Variants in ROBO1 observed in about 807,000 individuals in gnomAD.
ROBO1 encodes roundabout homolog 1.
In ROBO1, 149 loss-of-function variants were observed where a neutral mutation model predicts 195.9. That is an observed-to-expected ratio of 0.76 (90% CI 0.67 to 0.87). ROBO1 has a LOEUF of 0.87. Ranked by LOEUF, ROBO1 falls within the 40% of genes least tolerant of loss-of-function variation. ROBO1 has a pLI of 0.00. For missense variants in ROBO1, 1,933 were observed against 2,068.3 expected, an observed-to-expected ratio of 0.93 and a Z score of 1.27; for synonymous variants, 816 against 733.2, an observed-to-expected ratio of 1.11 and a Z score of -1.82.
At chr3:79,085,216 C>A (rs995133241) in intron 3 of ROBO1, among the ~76,000 whole-genome samples, 4 of 152,042 alleles carry the variant, frequency 2.6e-5, no homozygotes, top group African/African-American at 9.7e-5. Context: ...CAAAGTGAGC[C>A]CTTAAATCAC....
chr3:79,215,785 G>A (rs2082046066), intron 2 of ROBO1, among the ~76,000 whole-genome samples: 1 of 152,142 alleles, frequency 6.6e-6, no homozygotes, highest in Admixed American at 6.6e-5. Context: ...CCTTAAAGGG[G>A]GCTCAATTTG....
At chr3:79,666,985 TTAA>T (rs959875630) in intron 1 of ROBO1, among the ~76,000 whole-genome samples, 2 of 151,906 alleles carry the variant, frequency 1.3e-5, no homozygotes, top group East Asian at 1.9e-4. Flanking sequence ...TTTGCCTATT[TTAA>T]TAATAACATT....
At chr3:79,592,520 T>C (rs1944036122) in intron 1 of ROBO1, among the ~76,000 whole-genome samples, 1 of 151,992 alleles carries the variant, frequency 6.6e-6, no homozygotes, top group Admixed American at 6.6e-5. Context: ...TTCAGTACTT[T>C]GAAGTTTTGG....
intron 2 of ROBO1, among the ~76,000 whole-genome samples, chr3:79,354,763 T>C (rs1479408768): frequency 6.6e-6 from 1 of 152,212 alleles, no homozygotes. Flanking sequence ...GTGGAATTAC[T>C]AAATTTAATC....
chr3:79,545,812 G>T (rs1190564265), intron 2 of ROBO1, among the ~76,000 whole-genome samples: 2 of 152,070 alleles, frequency 1.3e-5, no homozygotes, highest in Non-Finnish European at 1.5e-5. Context: ...GCAGAGTCTG[G>T]TAATAAAGTC....
At chr3:78,845,034 A>G (rs952366022) in intron 4 of ROBO1, among the ~76,000 whole-genome samples, 4 of 152,094 alleles carry the variant, frequency 2.6e-5, no homozygotes, top group African/African-American at 9.7e-5. Flanking sequence ...AATGTTCACA[A>G]TTTGATTTGG....
chr3:78,646,241 T>C, intron 20 of ROBO1, 51 bp from the exon 21 acceptor site: 2 of 1,510,200 alleles, frequency 1.3e-6, no homozygotes, highest in South Asian at 2.3e-5. Context: ...TATTTATATA[T>C]CAAAAGCTAT....
intron 1 of ROBO1, among the ~76,000 whole-genome samples, chr3:79,601,990 A>G (rs1944353478): frequency 6.6e-6 from 1 of 152,012 alleles, no homozygotes; most frequent in Non-Finnish European, 1.5e-5. Flanking sequence ...GTATTACAGC[A>G]TGATATTAAT....
intron 1 of ROBO1, among the ~76,000 whole-genome samples, chr3:79,600,712 T>G (rs1487634685): frequency 1.3e-5 from 2 of 151,886 alleles, no homozygotes; most frequent in Non-Finnish European, 2.9e-5. Flanking sequence ...ACATTAAAGA[T>G]AAAAAATCCA....
chr3:79,516,711 T>C (rs1187251473), intron 2 of ROBO1, among the ~76,000 whole-genome samples: 3 of 152,180 alleles, frequency 2.0e-5, no homozygotes, highest in East Asian at 1.9e-4. Context: ...ATTGTATGTG[T>C]ATCAGAATTA....
intron 2 of ROBO1, among the ~76,000 whole-genome samples, chr3:79,358,342 G>A (rs1483985974): frequency 6.6e-6 from 1 of 151,972 alleles, no homozygotes; most frequent in Non-Finnish European, 1.5e-5. Flanking sequence ...AAGTCATCGG[G>A]GTCCAAAGGA....
intron 1 of ROBO1, among the ~76,000 whole-genome samples, chr3:79,601,437 G>T (rs561141347): frequency 4.3e-4 from 65 of 152,096 alleles, no homozygotes; most frequent in South Asian, 2.9e-3. Flanking sequence ...TATAAGCACG[G>T]ACTTGAAGTG....
At chr3:78,627,264 C>T in intron 26 of ROBO1, 57 bp downstream of exon 26, 1 of 1,560,942 alleles carries the variant, frequency 6.4e-7, no homozygotes, top group East Asian at 2.3e-5. Context: ...TTGGTAACTT[C>T]CACTGAGGAG....
chr3:78,895,151 G>A (rs984145983), intron 4 of ROBO1, among the ~76,000 whole-genome samples: 6 of 152,200 alleles, frequency 3.9e-5, no homozygotes, highest in African/African-American at 7.2e-5. Flanking sequence ...AGTGTGAAGG[G>A]TGCTAATGCA....
chr3:79,543,022 GT>G (rs1942134709), intron 2 of ROBO1, among the ~76,000 whole-genome samples: 2 of 151,876 alleles, frequency 1.3e-5, no homozygotes, highest in Admixed American at 1.3e-4. Context: ...GGATTTCAAA[GT>G]TTTTAATATT....
chr3:79,431,488 C>T (rs2038675668), intron 2 of ROBO1, among the ~76,000 whole-genome samples: 1 of 152,042 alleles, frequency 6.6e-6, no homozygotes, highest in South Asian at 2.1e-4. Flanking sequence ...CTTCTGTTTT[C>T]TCCGGTTATC....
intron 4 of ROBO1, among the ~76,000 whole-genome samples, chr3:78,859,668 ATAAACAAGCTAT>A (rs2034666303): frequency 2.0e-5 from 3 of 152,202 alleles, no homozygotes; most frequent in Non-Finnish European, 4.4e-5. Flanking sequence ...AATAAAAACA[ATAAACAAGCTAT>A]TAAAGTTATT....
chr3:79,714,195 A>G (rs1474116092), intron 1 of ROBO1, among the ~76,000 whole-genome samples: 1 of 152,184 alleles, frequency 6.6e-6, no homozygotes, highest in Non-Finnish European at 1.5e-5. Context: ...AAGGATATGA[A>G]CAGACACTTC....
intron 3 of ROBO1, among the ~76,000 whole-genome samples, chr3:78,988,471 T>G (rs1019665962): frequency 6.6e-6 from 1 of 152,140 alleles, no homozygotes; most frequent in Non-Finnish European, 1.5e-5. Flanking sequence ...AACATTTCCC[T>G]TAGAAGGCAC....
Sources: gnomAD v4.1 joint callset for allele counts (sites outside exome capture counted in the v4.1 genomes callset) on GRCh38, gnomAD v4.1.1 for gene constraint, MANE v1.5 for transcripts, NCBI Gene and HGNC (gene_info 2026-07-23, HGNC 2026-07-21) for gene names.